LRP1B: variants seen among roughly 807,000 people sequenced by gnomAD.
LRP1B encodes LDL receptor related protein 1B.
Under a neutral mutation model 556.6 loss-of-function variants are expected in LRP1B, and 217 were observed. That is an observed-to-expected ratio of 0.39 (90% CI 0.35 to 0.44). The LOEUF (loss-of-function observed/expected upper bound fraction) is 0.44. LRP1B is among the 20% of genes least tolerant of loss of function. The pLI, the probability that LRP1B is intolerant of heterozygous loss-of-function variation, is 1.00. For missense variants in LRP1B, 5,053 were observed against 5,620.8 expected, an observed-to-expected ratio of 0.90 and a Z score of 3.23; for synonymous variants, 2,047 against 1,865.8, an observed-to-expected ratio of 1.10 and a Z score of -2.50.
At chr2:141,581,618 T>G (rs1686961072) in intron 2 of LRP1B, among the ~76,000 whole-genome samples, 1 of 152,160 alleles carries the variant, frequency 6.6e-6, no homozygotes. Flanking sequence ...TGAAAAAAAT[T>G]GGGTCTGAAA....
At chr2:141,201,797 C>G (rs1207048015) in intron 6 of LRP1B, among the ~76,000 whole-genome samples, 1 of 152,076 alleles carries the variant, frequency 6.6e-6, no homozygotes, top group Non-Finnish European at 1.5e-5. Context: ...GGACTGAATA[C>G]TTTTAGTGGA....
chr2:141,396,503 A>G (rs1023572620), intron 3 of LRP1B, among the ~76,000 whole-genome samples: 1 of 152,180 alleles, frequency 6.6e-6, no homozygotes, highest in African/African-American at 2.4e-5. Context: ...GATAAAGCCA[A>G]TGATAAAAAT....
chr2:141,737,081 CGGT>C (rs1693498193), intron 2 of LRP1B, among the ~76,000 whole-genome samples: 2 of 152,054 alleles, frequency 1.3e-5, no homozygotes, highest in Non-Finnish European at 2.9e-5. Flanking sequence ...GGGCCAGGCA[CGGT>C]GGTTCACACC....
At chr2:141,331,790 T>A (rs111777093) in intron 3 of LRP1B, among the ~76,000 whole-genome samples, 3,190 of 152,150 alleles carry the variant, frequency 0.021, 56 homozygotes, top group Non-Finnish European at 0.034. Context: ...CTGAGCAAAT[T>A]GTCTGTTAAG....
intron 41 of LRP1B, among the ~76,000 whole-genome samples, chr2:140,607,218 G>A (rs1682899844): frequency 6.6e-6 from 1 of 152,022 alleles, no homozygotes. Flanking sequence ...TCAAAGTACT[G>A]CAAATCATAA....
intron 49 of LRP1B, among the ~76,000 whole-genome samples, chr2:140,517,863 A>AC (rs1689984407): frequency 6.6e-6 from 1 of 151,940 alleles, no homozygotes; most frequent in Non-Finnish European, 1.5e-5. Flanking sequence ...GGCTTGTGCC[A>AC]CCATGCCCGG....
At chr2:141,215,654 T>G (rs300379) in intron 6 of LRP1B, among the ~76,000 whole-genome samples, 151,723 of 152,308 alleles carry the variant, frequency 1, 75,574 homozygotes, top group Non-Finnish European at 1. Flanking sequence ...GTTCACATGT[T>G]TTATGCCTTA....
intron 7 of LRP1B, among the ~76,000 whole-genome samples, chr2:141,106,556 G>A (rs1210885669): frequency 2.0e-5 from 3 of 149,472 alleles, no homozygotes; most frequent in Non-Finnish European, 4.5e-5. Flanking sequence ...TGTCTGGAAT[G>A]CATGCATATC....
intron 1 of LRP1B, among the ~76,000 whole-genome samples, chr2:142,063,956 T>A (rs1449475): frequency 0.47 from 71,147 of 151,306 alleles, 17,958 homozygotes; most frequent in East Asian, 0.69. Flanking sequence ...ACGAATAAGA[T>A]TCACACATAC....
intron 7 of LRP1B, among the ~76,000 whole-genome samples, chr2:141,105,112 A>C (rs1700572076): frequency 6.6e-6 from 1 of 152,120 alleles, no homozygotes; most frequent in African/African-American, 2.4e-5. Context: ...TAACCATCAA[A>C]GTCTGCATTT....
At chr2:140,748,417 AAT>A (rs1218683579) in intron 35 of LRP1B, among the ~76,000 whole-genome samples, 27 of 98,056 alleles carry the variant, frequency 2.8e-4, no homozygotes, top group African/African-American at 9.7e-4. Flanking sequence ...ATTCATATAT[AAT>A]ATATATTATA....
Position 140,407,704 on chromosome 2 carries a change from A to G in LRP1B, c.10415-21695T>C, listed in dbSNP as rs578114045. 2.0e-5 allele frequency among the ~76,000 whole-genome samples: 3 copies of G among 152,156 alleles called. No individual in the cohort carries two copies. The South Asian group carries it at 6.2e-4, about 32-fold the overall frequency. Reference sequence around the variant, plus strand: ...TACATGTTGCTGTGGATGTGGTGAAAAGAGAACACTTTTGTACTGCTGGTG... The same window carrying G: ...TACATGTTGCTGTGGATGTGGTGAAGAGAGAACACTTTTGTACTGCTGGTG... On this transcript the variant is annotated intron_variant, in intron 66 of 90. Coordinates refer to ENST00000389484, the MANE Select transcript of LRP1B (RefSeq NM_018557.3).
Position 141,001,985 on chromosome 2 carries a change from C to T in LRP1B, c.2503+3350G>A, listed in dbSNP as rs575023487. Among the ~76,000 whole-genome samples, 547 of 152,216 alleles carry T rather than the reference C, an allele frequency of 3.6e-3. 3 individuals carry two copies. The highest frequency in any genetic ancestry group is 4.8e-3 in the Non-Finnish European group (328 of 67,984). On this transcript the variant is annotated intron_variant, in intron 15 of 90. Transcript: ENST00000389484. The stretch of plus-strand genomic sequence containing the variant: ...GTAACTAAGATAAGATTCAGCCTAG[C>T]AGCCAACTTGGCAGACTTTAAGTTG...
chr2:141,354,096 C>T (rs1461434817), intron 3 of LRP1B, among the ~76,000 whole-genome samples: 1 of 151,876 alleles, frequency 6.6e-6, no homozygotes, highest in East Asian at 1.9e-4. Flanking sequence ...GATCAAAAAC[C>T]TACCTCTCGG....
At chr2:141,769,392 T>C (rs930399266) in intron 2 of LRP1B, among the ~76,000 whole-genome samples, 2 of 152,208 alleles carry the variant, frequency 1.3e-5, no homozygotes, top group Non-Finnish European at 2.9e-5. Flanking sequence ...AAAATTAGCA[T>C]ATGTTTTCTC....
Position 142,130,802 on chromosome 2 carries a change from G to T in LRP1B, c.-73C>A, listed in dbSNP as rs1484900579. The T allele has an allele frequency of 8.1e-7, 1 of 1,229,328 alleles. No homozygotes were observed. Among genetic ancestry groups the T allele is most frequent in the Non-Finnish European group, 1.2e-6 (1 of 849,390 alleles). The allele number at this position is 1,229,328 out of a possible 1,614,324, so 76.2% of individuals were successfully genotyped here. A position where few individuals can be genotyped will look rare whatever the true frequency, so the allele number is the denominator to read the frequency against. ...CCTTCGGCCCGGCGGCGGCGGCGGC[G>T]GCAGGGGCCGCTTGGAGCCTGGAAT... On this transcript the variant is annotated 5_prime_UTR_variant, in exon 1 of 91. Transcript: ENST00000389484.
intron 77 of LRP1B, among the ~76,000 whole-genome samples, chr2:140,339,061 C>T (rs1573814488): frequency 2.0e-5 from 3 of 151,880 alleles, no homozygotes; most frequent in Admixed American, 2.0e-4. Flanking sequence ...TCTTTTCTAA[C>T]AAGCTCTCTA....
intron 1 of LRP1B, among the ~76,000 whole-genome samples, chr2:141,935,295 C>A (rs1001748037): frequency 2.0e-5 from 3 of 152,004 alleles, no homozygotes; most frequent in Non-Finnish European, 4.4e-5. Flanking sequence ...AAATGATAGT[C>A]ATTAAAAGTA....
chr2:141,996,718 C>G lies in LRP1B; in HGVS notation c.82+133930G>C, dbSNP rs534472145. Among the ~76,000 whole-genome samples the G allele has an allele frequency of 3.7e-4, 56 of 149,450 alleles. No homozygotes were observed. In the East Asian group the frequency reaches 0.01, roughly 28 times the overall value. On this transcript the variant is annotated intron_variant, in intron 1 of 90. Transcript: ENST00000389484. ...CTGTATTTAAATTTTTTCTTTCCCC[C>G]CCCCTACAAACTAGTGACACAAAGT...
Sources: gnomAD v4.1 joint callset for allele counts (sites outside exome capture counted in the v4.1 genomes callset) on GRCh38, gnomAD v4.1.1 for gene constraint, MANE v1.5 for transcripts, NCBI Gene and HGNC (gene_info 2026-07-23, HGNC 2026-07-21) for gene names.